LRMDA: variants seen among roughly 807,000 people sequenced by gnomAD.
The protein encoded by LRMDA is leucine rich melanocyte differentiation associated, also known as leucine-rich melanocyte differentiation-associated protein.
LRMDA carries 18 observed loss-of-function variants against 29.8 expected under a neutral mutation model. The observed-to-expected ratio is 0.60, with a 90% CI of 0.42 to 0.90. The LOEUF (loss-of-function observed/expected upper bound fraction) is 0.90. Among genes scored for constraint, LRMDA ranks in the 40% least tolerant of loss-of-function variants. The probability of loss-of-function intolerance (pLI) is 0.00; values close to 1 mark genes in which losing one functional copy is unlikely to be tolerated. For missense variants in LRMDA, 273 were observed against 273.9 expected (o/e 1.00, Z 0.02); for synonymous variants, 125 against 109.4 (o/e 1.14, Z -0.89).
chr10:76,403,567 G>A (rs1841871778), intron 6 of LRMDA, among the ~76,000 whole-genome samples: 1 of 152,078 alleles, frequency 6.6e-6, no homozygotes, highest in African/African-American at 2.4e-5. Context: ...AGAAAATTAA[G>A]TAATTTTGTT....
chr10:75,444,856 C>G (rs1364297735), intron 2 of LRMDA, among the ~76,000 whole-genome samples: 1 of 152,174 alleles, frequency 6.6e-6, no homozygotes, highest in African/African-American at 2.4e-5. Context: ...ATGCCAAATA[C>G]TTTAAAAAAT....
intron 5 of LRMDA, among the ~76,000 whole-genome samples, chr10:76,231,215 T>G (rs78466238): frequency 0.013 from 1,925 of 152,070 alleles, 38 homozygotes; most frequent in African/African-American, 0.043. Context: ...AGGGTGCTGG[T>G]TTTTATATTT....
At chr10:75,980,331 C>G (rs187710569) in intron 2 of LRMDA, among the ~76,000 whole-genome samples, 22 of 152,328 alleles carry the variant, frequency 1.4e-4, no homozygotes, top group African/African-American at 4.3e-4. Flanking sequence ...CCCTGCTCCC[C>G]CTTCTCCAGC....
chr10:75,718,167 A>G (rs937379190), intron 2 of LRMDA, among the ~76,000 whole-genome samples: 8 of 152,160 alleles, frequency 5.3e-5, no homozygotes, highest in Non-Finnish European at 1.5e-5. Flanking sequence ...TGCTTGACAA[A>G]ATGCCCCAAC....
chr10:75,675,370 G>A (rs1030426341), intron 2 of LRMDA, among the ~76,000 whole-genome samples: 1 of 152,186 alleles, frequency 6.6e-6, no homozygotes, highest in African/African-American at 2.4e-5. Context: ...CTGAAACCTT[G>A]ATCAGTTATA....
intron 2 of LRMDA, among the ~76,000 whole-genome samples, chr10:75,914,050 C>G (rs1046219022): frequency 1.3e-5 from 2 of 152,172 alleles, no homozygotes; most frequent in Non-Finnish European, 2.9e-5. Context: ...GAAATGCTTA[C>G]AAAGAAGCAG....
At chr10:75,969,870 G>A (rs867729872) in intron 2 of LRMDA, among the ~76,000 whole-genome samples, 1 of 152,152 alleles carries the variant, frequency 6.6e-6, no homozygotes, top group Non-Finnish European at 1.5e-5. Flanking sequence ...GTGATGGACT[G>A]GGGTGAAACT....
At chr10:75,641,425 G>T (rs979262746) in intron 2 of LRMDA, among the ~76,000 whole-genome samples, 8 of 145,350 alleles carry the variant, frequency 5.5e-5, no homozygotes, top group African/African-American at 2.0e-4. Context: ...TATATATACA[G>T]ATATTATTGA....
intron 5 of LRMDA, among the ~76,000 whole-genome samples, chr10:76,191,346 C>T (rs1851242932): frequency 6.6e-6 from 1 of 152,148 alleles, no homozygotes; most frequent in Non-Finnish European, 1.5e-5. Context: ...TCCTCTATAG[C>T]CCTGAGCTGT....
At chr10:76,024,263 A>C (rs1848025210) in intron 2 of LRMDA, among the ~76,000 whole-genome samples, 1 of 152,220 alleles carries the variant, frequency 6.6e-6, no homozygotes, top group Non-Finnish European at 1.5e-5. Context: ...GCCTTGGTTC[A>C]GTGCTGGGAA....
chr10:76,309,569 G>A (rs1167713005), intron 5 of LRMDA, among the ~76,000 whole-genome samples: 4 of 152,196 alleles, frequency 2.6e-5, no homozygotes, highest in Non-Finnish European at 5.9e-5. Context: ...AGGGCAAGGA[G>A]CGCTGATCTT....
At chr10:76,230,691 T>TA (rs1413309827) in intron 5 of LRMDA, among the ~76,000 whole-genome samples, 8 of 152,274 alleles carry the variant, frequency 5.3e-5, no homozygotes, top group Admixed American at 5.2e-4. Context: ...ACTTTTAATA[T>TA]AATTAAAAGC....
In LRMDA at chr10:75,438,428, C is replaced by T. The variant is rs756850702; in HGVS notation, c.65C>T (p.Pro22Leu). 1 of 1,551,010 alleles carries T rather than the reference C, an allele frequency of 6.4e-7. No individual in the cohort carries two copies. Among genetic ancestry groups the T allele is most frequent in the South Asian group, 1.2e-5 (1 of 84,064 alleles). ...SYIGQDCREI[P>L]EHLGRDCGHF... is the part of the protein sequence containing the mutation. ...ATAGGCCAGGACTGCAGAGAAATTC[C>T]AGAGCACCTTGGCAGGGACTGTGGA... The change falls in exon 2 of 7, where the codon CCA becomes CTA. Residue 22 changes from proline to leucine, a missense_variant. Coordinates refer to ENST00000611255, the MANE Select transcript of LRMDA (RefSeq NM_001305581.2).
intron 2 of LRMDA, among the ~76,000 whole-genome samples, chr10:75,613,956 C>A (rs1454594148): frequency 6.6e-6 from 1 of 152,130 alleles, no homozygotes; most frequent in African/African-American, 2.4e-5. Flanking sequence ...GCTTTCTGCA[C>A]CTAATAAATC....
At chr10:76,087,809 G>T (rs1849161258) in intron 5 of LRMDA, among the ~76,000 whole-genome samples, 1 of 152,144 alleles carries the variant, frequency 6.6e-6, no homozygotes, top group Admixed American at 6.5e-5. Flanking sequence ...GATTTCCTCA[G>T]TGTTTGAAAA....
chr10:75,731,580 C>T (rs2132199135), intron 2 of LRMDA, among the ~76,000 whole-genome samples: 1 of 152,296 alleles, frequency 6.6e-6, no homozygotes, highest in South Asian at 2.1e-4. Context: ...GTTGGCAAAA[C>T]CTTGAAGTCA....
chr10:76,530,273 G>T (rs1285681203), intron 6 of LRMDA, among the ~76,000 whole-genome samples: 3 of 152,108 alleles, frequency 2.0e-5, no homozygotes, highest in Non-Finnish European at 4.4e-5. Flanking sequence ...CAAACCACAG[G>T]TTGTGATAGA....
chr10:76,022,975 C>T (rs920416632), intron 2 of LRMDA, among the ~76,000 whole-genome samples: 27 of 151,770 alleles, frequency 1.8e-4, no homozygotes, highest in South Asian at 2.1e-4. Context: ...TTGACTAGTG[C>T]GATGAATTAA....
chr10:75,918,045 C>A (rs900561966), intron 2 of LRMDA, among the ~76,000 whole-genome samples: 41 of 152,114 alleles, frequency 2.7e-4, no homozygotes, highest in Non-Finnish European at 1.3e-4. Context: ...AAGATGGTGA[C>A]AAAGCAGGAC....
Sources: gnomAD v4.1 joint callset for allele counts (sites outside exome capture counted in the v4.1 genomes callset) on GRCh38, gnomAD v4.1.1 for gene constraint, MANE v1.5 for transcripts, NCBI Gene and HGNC (gene_info 2026-07-23, HGNC 2026-07-21) for gene names.